EXOC2: variants seen among roughly 807,000 people sequenced by gnomAD.
EXOC2 encodes exocyst complex component 2.
A neutral mutation model predicts 131.8 loss-of-function variants in EXOC2; 70 were observed. That is an observed-to-expected ratio of 0.53 (90% CI 0.44 to 0.65). The LOEUF (loss-of-function observed/expected upper bound fraction) is 0.65. EXOC2 is among the 30% of genes least tolerant of loss of function. The pLI is 0.00. For synonymous variants in EXOC2, 411 were observed against 398.4 expected (o/e 1.03, Z -0.38); for missense variants, 923 against 1,108.6 (o/e 0.83, Z 2.38).
intron 11 of EXOC2, among the ~76,000 whole-genome samples, chr6:582,127 C>A (rs1454917939): frequency 6.6e-6 from 1 of 152,116 alleles, no homozygotes; most frequent in Admixed American, 6.5e-5. Context: ...ACAATCGAGA[C>A]TCTATAGAAA....
intron 23 of EXOC2, 104 bp from the exon 24 acceptor site, chr6:499,804 A>G: frequency 1.3e-6 from 1 of 795,566 alleles, no homozygotes; most frequent in Non-Finnish European, 2.2e-6. Flanking sequence ...CTGAGGAGAA[A>G]CAGAAAGTAA....
chr6:557,307 G>T (rs1481455798), intron 17 of EXOC2, among the ~76,000 whole-genome samples: 3 of 152,112 alleles, frequency 2.0e-5, no homozygotes, highest in Non-Finnish European at 2.9e-5. Context: ...AATTAAAATA[G>T]TAAGTGTCAT....
At chr6:618,960 G>A (rs1382366003) in intron 5 of EXOC2, among the ~76,000 whole-genome samples, 1 of 152,148 alleles carries the variant, frequency 6.6e-6, no homozygotes, top group Middle Eastern at 3.2e-3. Context: ...CCTTCAAATT[G>A]GATATATGAC....
rs1036031247 is a variant in EXOC2, at chr6:599,122, A to G, written c.846T>C (p.Phe282=). 6.2e-7 allele frequency: 1 copy of G among 1,613,152 alleles called. No individual in the cohort carries two copies. Among genetic ancestry groups the G allele is most frequent in the Admixed American group, 1.7e-5 (1 of 59,958 alleles). ...CAATATTTAGAGGAAGGTTGAAAAGAAACTTAAATCGCTGAAGCACATTGA... is the reference window on the plus strand; with the variant it reads ...CAATATTTAGAGGAAGGTTGAAAAGGAACTTAAATCGCTGAAGCACATTGA... The part of the protein sequence containing the change: ...NALNVLQRFK[F]LFNLPLNIER... The change falls in exon 8 of 28, where the codon TTT becomes TTC. Residue 282 remains phenylalanine, a synonymous_variant. Coordinates refer to ENST00000230449, the MANE Select transcript of EXOC2 (RefSeq NM_018303.6).
At chr6:591,321 C>A (rs772877295) in intron 11 of EXOC2, among the ~76,000 whole-genome samples, 29 of 152,168 alleles carry the variant, frequency 1.9e-4, no homozygotes, top group Non-Finnish European at 2.9e-4. Context: ...TGGGTGAAGT[C>A]CAAACCTGTC....
chr6:516,158 G>T (rs141628224), intron 23 of EXOC2, among the ~76,000 whole-genome samples: 1 of 152,190 alleles, frequency 6.6e-6, no homozygotes, highest in Non-Finnish European at 1.5e-5. Flanking sequence ...AGTCCTGAAA[G>T]CGTTTCATTA....
intron 1 of EXOC2, among the ~76,000 whole-genome samples, chr6:666,247 T>C (rs1167427820): frequency 2.6e-5 from 4 of 152,262 alleles, no homozygotes; most frequent in African/African-American, 4.8e-5. Flanking sequence ...GACACTTCTC[T>C]TGTTTCCAGC....
At chr6:617,678 G>A (rs749727345) in intron 6 of EXOC2, 33 bp downstream of exon 6, 1 of 1,599,704 alleles carries the variant, frequency 6.3e-7, no homozygotes, top group South Asian at 1.1e-5. Context: ...CATGGCGGAA[G>A]CTGCCAGCAG....
intron 11 of EXOC2, among the ~76,000 whole-genome samples, chr6:581,087 A>G (rs1758866647): frequency 6.6e-6 from 1 of 152,096 alleles, no homozygotes; most frequent in African/African-American, 2.4e-5. Flanking sequence ...TGAGGTCAGG[A>G]GTTCGAGACC....
At chr6:645,182 A>C (rs1056932849) in intron 1 of EXOC2, among the ~76,000 whole-genome samples, 8 of 152,100 alleles carry the variant, frequency 5.3e-5, no homozygotes, top group African/African-American at 1.9e-4. Context: ...ACAAGGCACC[A>C]AAGTAATTCA....
intron 23 of EXOC2, among the ~76,000 whole-genome samples, chr6:522,489 G>C (rs1256292593): frequency 1.3e-5 from 2 of 151,850 alleles, no homozygotes; most frequent in Non-Finnish European, 2.9e-5. Flanking sequence ...ACAGCGTGTG[G>C]GGAGCGCTGA....
intron 23 of EXOC2, among the ~76,000 whole-genome samples, chr6:500,542 T>G (rs1277015392): frequency 6.6e-6 from 1 of 152,114 alleles, no homozygotes; most frequent in African/African-American, 2.4e-5. Flanking sequence ...GGGGCTGCAG[T>G]GAGGATGAAG....
At chr6:656,996 C>T (rs759234965) in intron 1 of EXOC2, 1 of 1,425,512 alleles carries the variant, frequency 7.0e-7, no homozygotes, top group Non-Finnish European at 9.4e-7. Context: ...CCGCGTGCCA[C>T]AAGCCCTTCC....
intron 16 of EXOC2, among the ~76,000 whole-genome samples, chr6:563,437 C>T (rs1181685526): frequency 6.6e-6 from 1 of 152,168 alleles, no homozygotes; most frequent in Non-Finnish European, 1.5e-5. Flanking sequence ...ATGTAAGCTT[C>T]CTACCTAAAA....
intron 1 of EXOC2, among the ~76,000 whole-genome samples, chr6:681,652 A>G (rs538837416): frequency 3.9e-4 from 60 of 152,358 alleles, no homozygotes; most frequent in Non-Finnish European, 7.4e-4. Context: ...AAATCCAGCC[A>G]TAAAAGAGAA....
At position 682,902 on chromosome 6, in the gene EXOC2, C is replaced by T. The variant is rs78945314; in HGVS notation, c.-44+10117G>A. ...ACCATAAACACAGAACCCCAAAAAA[C>T]TGAACACAAAAAGAAATACAGGATG... On this transcript the variant is annotated intron_variant, in intron 1 of 27. Transcript: ENST00000230449. 1.5e-3 allele frequency among the ~76,000 whole-genome samples: 226 copies of T among 152,226 alleles called. 4 individuals are homozygous for T. The East Asian group carries it at 0.041, about 28-fold the overall frequency.
intron 1 of EXOC2, among the ~76,000 whole-genome samples, chr6:648,806 C>T (rs1207333466): frequency 2.0e-5 from 3 of 147,946 alleles, no homozygotes; most frequent in Non-Finnish European, 3.0e-5. Context: ...ACTGCAGCCT[C>T]GAACTCCTGG....
intron 22 of EXOC2, among the ~76,000 whole-genome samples, chr6:548,644 T>G (rs1328851663): frequency 6.6e-6 from 1 of 152,204 alleles, no homozygotes; most frequent in Non-Finnish European, 1.5e-5. Flanking sequence ...ATGCAGAGCA[T>G]CCTGCAGCTG....
intron 27 of EXOC2, among the ~76,000 whole-genome samples, chr6:488,119 C>T (rs537604673): frequency 7.9e-5 from 12 of 152,298 alleles, no homozygotes; most frequent in South Asian, 6.2e-4. Context: ...GCGTGCGGGG[C>T]GGGGCGGCGA....
Sources: allele counts gnomAD v4.1 joint callset (sites outside exome capture counted in the v4.1 genomes callset), GRCh38; gene constraint gnomAD v4.1.1; transcripts MANE v1.5; gene names NCBI Gene and HGNC (gene_info 2026-07-23, HGNC 2026-07-21).